TOP3A: variants seen among roughly 807,000 people sequenced by gnomAD.
TOP3A encodes DNA topoisomerase 3-alpha.
Under a neutral mutation model 111.3 loss-of-function variants are expected in TOP3A, and 64 were observed. The observed-to-expected ratio is 0.57, with a 90% CI of 0.47 to 0.71. The LOEUF (loss-of-function observed/expected upper bound fraction) is 0.71, where lower values mean the gene tolerates loss of function less well. Among genes scored for constraint, TOP3A ranks in the 30% least tolerant of loss-of-function variants. The pLI is 0.00. For synonymous variants in TOP3A, 484 were observed against 485.1 expected (o/e 1.00, Z 0.03); for missense variants, 1,104 against 1,285.0 (o/e 0.86, Z 2.15).
At chr17:18,300,762 C>T (rs1036462960) in intron 8 of TOP3A, among the ~76,000 whole-genome samples, 2 of 151,966 alleles carry the variant, frequency 1.3e-5, no homozygotes, top group African/African-American at 4.8e-5. Context: ...CTATGAAACC[C>T]AGGCTGGTGG....
chr17:18,305,187 C>T lies in TOP3A; in HGVS notation c.424G>A (p.Ala142Thr), dbSNP rs1376635972. Residue 142 changes from alanine (A) to threonine (T), a missense_variant, in exon 5 of 19, where the codon GCT becomes ACT. Transcript: ENST00000321105. Reference protein sequence around the residue: ...TLERETRQCQALVIWTDCDRE... With the variant: ...TLERETRQCQTLVIWTDCDRE... Reference sequence around the variant, plus strand: ...TCACAGTCAGTCCAGATCACCAGAGCCTGGCACTGGCGAGTCTCTCGTTCC... The same window carrying T: ...TCACAGTCAGTCCAGATCACCAGAGTCTGGCACTGGCGAGTCTCTCGTTCC... 1.9e-6 allele frequency: 3 copies of T among 1,614,046 alleles called. No individual in the cohort carries two copies. Among genetic ancestry groups the T allele is most frequent in the Non-Finnish European group, 2.5e-6 (3 of 1,180,046 alleles).
chr17:18,297,412 C>T (rs139569790), intron 9 of TOP3A, among the ~76,000 whole-genome samples: 44 of 152,246 alleles, frequency 2.9e-4, no homozygotes, highest in Middle Eastern at 6.8e-3. Context: ...GCAACAAGAG[C>T]GAAACTGCGC....
Position 18,280,787 on chromosome 17 carries a change from G to T in TOP3A, c.2022-129C>A. ...CCCTTTTCTGGATGACACTTAACTGGATACACAAGCACTCATATTGAATTG... is the reference window on the plus strand; with the variant it reads ...CCCTTTTCTGGATGACACTTAACTGTATACACAAGCACTCATATTGAATTG... On this transcript the variant is annotated intron_variant, in intron 16 of 18. Coordinates refer to ENST00000321105, the MANE Select transcript of TOP3A (RefSeq NM_004618.5). 3 of 1,031,762 alleles carry T rather than the reference G, an allele frequency of 2.9e-6. No individual in the cohort carries two copies. In the South Asian group the frequency reaches 4.7e-5, roughly 16 times the overall value. 63.9% of individuals were successfully genotyped at this position (1,031,762 alleles called of 1,614,324 possible). A position where few individuals can be genotyped will look rare whatever the true frequency, so the allele number is the denominator to read the frequency against.
chr17:18,275,040 T>C (rs1482722477), intron 18 of TOP3A, 60 bp from the exon 19 acceptor site: 5 of 1,566,078 alleles, frequency 3.2e-6, no homozygotes, highest in Non-Finnish European at 4.3e-6. Context: ...TGGCAAGTCC[T>C]GAACACGGTG....
chr17:18,303,854 C>G (rs767164795), intron 5 of TOP3A, among the ~76,000 whole-genome samples: 6 of 152,132 alleles, frequency 3.9e-5, no homozygotes, highest in Non-Finnish European at 8.8e-5. Context: ...TTCCCCTTTA[C>G]TTTGTGTGTG....
intron 13 of TOP3A, among the ~76,000 whole-genome samples, chr17:18,289,722 C>T (rs1271622490): frequency 2.0e-5 from 3 of 152,180 alleles, no homozygotes; most frequent in Non-Finnish European, 2.9e-5. Context: ...TAAATCATGA[C>T]GGGTGAACCT....
intron 13 of TOP3A, among the ~76,000 whole-genome samples, chr17:18,289,623 G>A (rs1980343284): frequency 6.6e-6 from 1 of 152,032 alleles, no homozygotes; most frequent in Admixed American, 6.6e-5. Context: ...GAATTCCTGG[G>A]CTCAAGTGAT....
chr17:18,275,075 T>G, intron 18 of TOP3A, 95 bp from the exon 19 acceptor site: 10 of 1,495,834 alleles, frequency 6.7e-6, no homozygotes, highest in Non-Finnish European at 8.1e-6. Flanking sequence ...TCCCAGCACT[T>G]TAGGAAGCTG....
chr17:18,285,450 G>A lies in TOP3A; in HGVS notation c.1668C>T (p.Asp556=), dbSNP rs1470553646. 2 of 1,614,120 alleles carry A rather than the reference G, an allele frequency of 1.2e-6. No homozygotes were observed. Among genetic ancestry groups the A allele is most frequent in the Admixed American group, 1.7e-5 (1 of 60,026 alleles). The change falls in exon 14 of 19, where the codon GAC becomes GAT. Residue 556 remains aspartate, a synonymous_variant. Transcript: ENST00000321105. ...KARMYVGLTP[D]KRFLPGHLGM... is the part of the protein sequence containing the mutation. ...CCAGGTGCCCAGGGAGGAACCGCTT[G>A]TCTGGGGTGAGGCCCACGTACATCC... is the stretch of plus-strand genomic sequence containing the variant.
At chr17:18,290,509 T>G (rs776461623) in intron 13 of TOP3A, 48 bp downstream of exon 13, 1 of 1,508,604 alleles carries the variant, frequency 6.6e-7, no homozygotes, top group East Asian at 2.3e-5. Context: ...CCTGGTACAC[T>G]GTAAGCCTTA....
At chr17:18,301,396 C>T (rs1274554228) in intron 8 of TOP3A, among the ~76,000 whole-genome samples, 2 of 152,160 alleles carry the variant, frequency 1.3e-5, no homozygotes, top group East Asian at 3.8e-4. Context: ...CAAGTGTTAC[C>T]CCTCCCCTCA....
At chr17:18,310,201 C>T (rs960904262) in intron 1 of TOP3A, among the ~76,000 whole-genome samples, 6 of 151,606 alleles carry the variant, frequency 4.0e-5, no homozygotes, top group Non-Finnish European at 7.4e-5. Context: ...CTGAGGTGGG[C>T]GGATCATGAG....
At position 18,290,521 on chromosome 17, in the gene TOP3A, C is replaced by T. The variant is rs1465295194; in HGVS notation, c.1597+36G>A. 2.6e-6 allele frequency: 4 copies of T among 1,527,392 alleles called. No homozygotes were observed. The African/African-American group carries it at 5.5e-5, about 21-fold the overall frequency. The allele number at this position is 1,527,392 out of a possible 1,614,324, so 94.6% of individuals were successfully genotyped here. On this transcript the variant is annotated intron_variant, in intron 13 of 18. Transcript: ENST00000321105. Reference sequence around the variant, plus strand: ...GTACCTGGTACACTGTAAGCCTTAGCTCAAGAGATGCGAGTTACCCAGAGG... The same window carrying T: ...GTACCTGGTACACTGTAAGCCTTAGTTCAAGAGATGCGAGTTACCCAGAGG...
chr17:18,294,328 T>C (rs1341093766), intron 10 of TOP3A, among the ~76,000 whole-genome samples: 1 of 152,110 alleles, frequency 6.6e-6, no homozygotes, highest in African/African-American at 2.4e-5. Context: ...TCTTTATTTC[T>C]TTCTTTTTCC....
intron 17 of TOP3A, among the ~76,000 whole-genome samples, chr17:18,279,415 C>T (rs986059215): frequency 2.0e-5 from 3 of 151,608 alleles, no homozygotes; most frequent in African/African-American, 7.3e-5. Context: ...CACCAGTACG[C>T]CTGGCTGATT....
rs1198452069 is a variant in TOP3A, at chr17:18,292,522, TGAGA to T, written c.1281+119_1281+122del. The T allele has an allele frequency of 6.4e-6, 6 of 933,212 alleles. No individual in the cohort carries two copies. In the African/African-American group the frequency reaches 1.0e-4, roughly 16 times the overall value. The allele number at this position is 933,212 out of a possible 1,614,324, so 57.8% of individuals were successfully genotyped here. A position where few individuals can be genotyped will look rare whatever the true frequency, so the allele number is the denominator to read the frequency against. On this transcript the variant is annotated intron_variant, in intron 11 of 18. Transcript: ENST00000321105. ...CAAAGCCAGGCAGAGGATTGTGAAATGAGAGAGATCTCAAAATCACTTGTTTTTA... is the reference window on the plus strand; with the variant it reads ...CAAAGCCAGGCAGAGGATTGTGAAATGAGATCTCAAAATCACTTGTTTTTA...
intron 9 of TOP3A, among the ~76,000 whole-genome samples, chr17:18,294,990 G>C (rs1269543999): frequency 6.6e-6 from 1 of 152,174 alleles, no homozygotes; most frequent in African/African-American, 2.4e-5. Context: ...ACTTTAATGT[G>C]TGCAGGACTC....
chr17:18,274,988 G>C lies in TOP3A; in HGVS notation c.2828-8C>G. On this transcript the variant is annotated splice_polypyrimidine_tract_variant and splice_region_variant and intron_variant, in intron 18 of 18. Coordinates refer to ENST00000321105, the MANE Select transcript of TOP3A (RefSeq NM_004618.5). ...ACGGGGCTCCAGAAGTCCCTGTCGG[G>C]AGAGTCAGGGGAGGGGTGAGGTTAG... 6.2e-7 allele frequency: 1 copy of C among 1,612,782 alleles called. No homozygotes were observed. The highest frequency in any genetic ancestry group is 8.5e-7 in the Non-Finnish European group (1 of 1,179,382).
At chr17:18,298,037 C>T (rs1380062587) in intron 9 of TOP3A, among the ~76,000 whole-genome samples, 2 of 151,714 alleles carry the variant, frequency 1.3e-5, no homozygotes, top group African/African-American at 2.4e-5. Flanking sequence ...TGCCCGGCCG[C>T]CCATCGTCTG....
Sources: allele counts gnomAD v4.1 joint callset (sites outside exome capture counted in the v4.1 genomes callset), GRCh38; gene constraint gnomAD v4.1.1; transcripts MANE v1.5; gene names NCBI Gene and HGNC (gene_info 2026-07-23, HGNC 2026-07-21).